ELMO1: variants seen among roughly 807,000 people sequenced by gnomAD.
ELMO1 encodes engulfment and cell motility 1.
In ELMO1, 26 loss-of-function variants were observed where a neutral mutation model predicts 98.9. The ratio of observed to expected loss-of-function variants is 0.26; its 90% CI spans 0.19 to 0.36. The LOEUF (loss-of-function observed/expected upper bound fraction) is 0.36. Ranked by LOEUF, ELMO1 falls within the 10% of genes least tolerant of loss-of-function variation. The pLI, the probability that ELMO1 is intolerant of heterozygous loss-of-function variation, is 1.00. For synonymous variants in ELMO1, 346 were observed against 346.0 expected (o/e 1.00, Z 0.00); for missense variants, 627 against 935.2 (o/e 0.67, Z 4.30).
At chr7:37,082,217 C>T (rs1370772301) in intron 15 of ELMO1, among the ~76,000 whole-genome samples, 3 of 152,248 alleles carry the variant, frequency 2.0e-5, no homozygotes, top group African/African-American at 7.2e-5. Flanking sequence ...GGAGTGGCCA[C>T]CAAACCTAGC....
chr7:36,937,578 A>C (rs1237257689), intron 16 of ELMO1, among the ~76,000 whole-genome samples: 1 of 152,218 alleles, frequency 6.6e-6, no homozygotes. Flanking sequence ...TAAGCAATGA[A>C]CACAGTGCTT....
At chr7:37,426,280 A>C (rs1320543563) in intron 1 of ELMO1, among the ~76,000 whole-genome samples, 1 of 149,580 alleles carries the variant, frequency 6.7e-6, no homozygotes, top group Non-Finnish European at 1.5e-5. Context: ...CAGCCTCCAA[A>C]GTAGCTGGGA....
chr7:37,279,909 C>T (rs980106315), intron 4 of ELMO1, among the ~76,000 whole-genome samples: 8 of 152,168 alleles, frequency 5.3e-5, no homozygotes, highest in African/African-American at 1.9e-4. Context: ...TCAACAGAGG[C>T]AGCCATAATC....
At chr7:36,953,845 G>T (rs1486020487) in intron 16 of ELMO1, among the ~76,000 whole-genome samples, 2 of 18,360 alleles carry the variant, frequency 1.1e-4, no homozygotes, top group Non-Finnish European at 1.7e-4. Flanking sequence ...TGTTTTGTGT[G>T]TGTGTGTGTG....
chr7:37,365,538 C>T (rs1195698722), intron 1 of ELMO1, among the ~76,000 whole-genome samples: 1 of 152,126 alleles, frequency 6.6e-6, no homozygotes, highest in Non-Finnish European at 1.5e-5. Context: ...AGCACCAGCT[C>T]TCAAACACCA....
chr7:37,257,730 G>A (rs377355909), intron 6 of ELMO1, among the ~76,000 whole-genome samples: 9 of 151,104 alleles, frequency 6.0e-5, no homozygotes, highest in African/African-American at 1.5e-4. Context: ...GGCTGGACAC[G>A]GTGGCTCACA....
chr7:37,071,350 C>T (rs1797258032), intron 15 of ELMO1, among the ~76,000 whole-genome samples: 1 of 152,146 alleles, frequency 6.6e-6, no homozygotes, highest in African/African-American at 2.4e-5. Context: ...CACCCCTACA[C>T]ATTCAAACCT....
rs1209862113 is a variant in ELMO1 at position 37,293,739 on chromosome 7, TAAA to T, written c.192+21108_192+21110del. 5.1e-4 allele frequency among the ~76,000 whole-genome samples: 22 copies of T among 42,900 alleles called. 1 individual carries two copies. Among genetic ancestry groups the T allele is most frequent in the African/African-American group, 1.2e-3 (17 of 13,614 alleles). The allele number at this position is 42,900 out of a possible 152,430, so 28.1% of individuals were successfully genotyped here. ...ATAAAAAAAAAAATAATAATAATAA[TAAA>T]AAAAAAGAGTGAAACTCTATATCCA... On this transcript the variant is annotated intron_variant, in intron 4 of 21. Transcript: ENST00000310758.
chr7:37,392,190 G>A (rs535173476), intron 1 of ELMO1, among the ~76,000 whole-genome samples: 5 of 152,116 alleles, frequency 3.3e-5, no homozygotes, highest in Admixed American at 2.0e-4. Context: ...TCCAGACTTC[G>A]AAACAAAACA....
chr7:37,131,141 T>C (rs968880176), intron 14 of ELMO1, among the ~76,000 whole-genome samples: 6 of 151,982 alleles, frequency 3.9e-5, no homozygotes, highest in Admixed American at 2.6e-4. Context: ...TATGCTCTAC[T>C]AACCCCATGC....
At chr7:37,373,051 A>G (rs1047379567) in intron 1 of ELMO1, among the ~76,000 whole-genome samples, 1 of 152,218 alleles carries the variant, frequency 6.6e-6, no homozygotes, top group Non-Finnish European at 1.5e-5. Context: ...AACATCACAC[A>G]GGCAGGTAAA....
intron 13 of ELMO1, among the ~76,000 whole-genome samples, chr7:37,188,443 CACACACACGCAA>C (rs1410049344): frequency 2.8e-5 from 1 of 36,194 alleles, no homozygotes; most frequent in Admixed American, 3.1e-4. Context: ...CACACACACA[CACACACACGCAA>C]ACACACACAC....
chr7:37,030,375 C>T (rs113319534), intron 15 of ELMO1, among the ~76,000 whole-genome samples: 1 of 152,074 alleles, frequency 6.6e-6, no homozygotes, highest in Non-Finnish European at 1.5e-5. Context: ...TCTCCCCTGA[C>T]AAATGCATTC....
chr7:37,275,324 G>A (rs1424889295), intron 4 of ELMO1, among the ~76,000 whole-genome samples: 1 of 152,200 alleles, frequency 6.6e-6, no homozygotes, highest in Non-Finnish European at 1.5e-5. Context: ...TTGGCCTCTA[G>A]GCTCCCTCAG....
Position 37,374,825 on chromosome 7 carries a change from G to T in ELMO1, c.-73-32062C>A, listed in dbSNP as rs573047855. On this transcript the variant is annotated intron_variant, in intron 1 of 21. Coordinates refer to ENST00000310758, the MANE Select transcript of ELMO1 (RefSeq NM_014800.11). ...CGCCTGTAATCTCAGCACTTTGGGA[G>T]GCTGAGGTGGGTGGATCATGAGGTC... 2.0e-5 allele frequency among the ~76,000 whole-genome samples: 3 copies of T among 152,292 alleles called. No homozygotes were observed. The South Asian group carries it at 6.2e-4, about 32-fold the overall frequency.
At chr7:37,126,872 T>C (rs149781445) in intron 14 of ELMO1, among the ~76,000 whole-genome samples, 1 of 152,350 alleles carries the variant, frequency 6.6e-6, no homozygotes, top group African/African-American at 2.4e-5. Context: ...TTTAGTTGGA[T>C]ACTTTTTAGC....
rs961057944 is a variant in ELMO1, at chr7:37,013,418, C to T, written c.1318G>A (p.Asp440Asn). The T allele has an allele frequency of 1.9e-6, 3 of 1,613,892 alleles. No individual in the cohort carries two copies. The highest frequency in any genetic ancestry group is 2.5e-6 in the Non-Finnish European group (3 of 1,179,926). Reference sequence around the variant, plus strand: ...TGGGTGAAGAACATCGGGTGGAAGTCGTTGCAGGTCTCACTAGCTGGAGGA... The same window carrying T: ...TGGGTGAAGAACATCGGGTGGAAGTTGTTGCAGGTCTCACTAGCTGGAGGA... ...VGELPSETCN[D>N]FHPMFFTHDR... The change falls in exon 16 of 22, where the codon GAC becomes AAC. Residue 440 changes from aspartate to asparagine, a missense_variant. By Grantham distance (23) the Asp-to-Asn change is conservative. This residue lies in a region of ELMO1 where 492 missense variants were observed against 715.6 expected (regional missense o/e 0.69). Coordinates refer to ENST00000310758, the MANE Select transcript of ELMO1 (RefSeq NM_014800.11).
intron 16 of ELMO1, among the ~76,000 whole-genome samples, chr7:36,943,710 T>C (rs997930703): frequency 1.3e-5 from 2 of 152,258 alleles, no homozygotes; most frequent in Admixed American, 1.3e-4. Context: ...ACATGTATAT[T>C]ACTTTTAGTT....
intron 13 of ELMO1, among the ~76,000 whole-genome samples, chr7:37,178,330 C>A (rs991332871): frequency 2.0e-5 from 3 of 151,662 alleles, no homozygotes; most frequent in African/African-American, 4.9e-5. Context: ...TATTCACTAC[C>A]ACGAGAATAG....
Sources: allele counts gnomAD v4.1 joint callset (sites outside exome capture counted in the v4.1 genomes callset), GRCh38; gene constraint gnomAD v4.1.1; regional missense constraint gnomAD v4.1.1; transcripts MANE v1.5; gene names NCBI Gene and HGNC (gene_info 2026-07-23, HGNC 2026-07-21).